Variants in SV2C observed in about 807,000 individuals in gnomAD.
SV2C encodes the protein solute carrier family 22 member B3.
A neutral mutation model predicts 79.7 loss-of-function variants in SV2C; 49 were observed. The ratio of observed to expected loss-of-function variants is 0.61; its 90% confidence interval spans 0.49 to 0.78. SV2C has a LOEUF of 0.78. Ranked by LOEUF, SV2C falls within the 30% of genes least tolerant of loss-of-function variation. The probability of loss-of-function intolerance (pLI) is 0.00; values close to 1 mark genes in which losing one functional copy is unlikely to be tolerated. For missense variants in SV2C, 833 were observed against 912.9 expected (o/e 0.91, Z 1.13); for synonymous variants, 334 against 333.2 (o/e 1.00, Z -0.03).
the SV2C span, among the ~76,000 whole-genome samples, chr5:75,914,522 A>G: frequency 6.6e-6 from 1 of 152,166 alleles, no homozygotes; most frequent in South Asian, 2.1e-4. Context: ...TCAGCCTCCC[A>G]CAAGTGTTAG....
chr5:75,957,242 A>G, the SV2C span, among the ~76,000 whole-genome samples: 1 of 152,020 alleles, frequency 6.6e-6, no homozygotes, highest in Non-Finnish European at 1.5e-5. Context: ...GTAGAATGGT[A>G]GAGATTAGTA....
At chr5:76,019,060 T>C in the SV2C span, among the ~76,000 whole-genome samples, 2 of 152,172 alleles carry the variant, frequency 1.3e-5, no homozygotes, top group African/African-American at 4.8e-5. Context: ...CCCAACTTCC[T>C]TGAGGAAAGG....
the SV2C span, among the ~76,000 whole-genome samples, chr5:75,852,598 A>G: frequency 6.6e-6 from 1 of 152,180 alleles, no homozygotes; most frequent in Non-Finnish European, 1.5e-5. Context: ...ACATTTTCAG[A>G]AAAATGAAAG....
chr5:76,235,677 TA>T (rs1311709881), intron 4 of SV2C, among the ~76,000 whole-genome samples: 2 of 148,598 alleles, frequency 1.3e-5, no homozygotes, highest in Admixed American at 1.3e-4. Flanking sequence ...CTTAGTGCAA[TA>T]AAAAAAGGGA....
At chr5:76,279,329 G>A (rs1747113419) in intron 4 of SV2C, among the ~76,000 whole-genome samples, 1 of 152,184 alleles carries the variant, frequency 6.6e-6, no homozygotes, top group Non-Finnish European at 1.5e-5. Context: ...GGCACTTACA[G>A]TCTTGGAGAT....
At chr5:76,067,277 G>A in the SV2C span, among the ~76,000 whole-genome samples, 1 of 150,904 alleles carries the variant, frequency 6.6e-6, no homozygotes, top group South Asian at 2.1e-4. Flanking sequence ...TTTGTGTTTT[G>A]TGTGGTAAGA....
chr5:75,966,819 C>T, the SV2C span, among the ~76,000 whole-genome samples: 1 of 152,070 alleles, frequency 6.6e-6, no homozygotes, highest in African/African-American at 2.4e-5. Flanking sequence ...TGGACTAAGC[C>T]CCAGTTTGGG....
In SV2C at chr5:76,272,262, C is replaced by T. The variant is rs559813962; in HGVS notation, c.914-12900C>T. Among the ~76,000 whole-genome samples, 35 of 152,226 alleles carry T rather than the reference C, an allele frequency of 2.3e-4. No homozygotes were observed. In the South Asian group the frequency reaches 7.3e-3, roughly 32 times the overall value. ...CGCTCTGTAATCTCTCCCCCTTGCC[C>T]CCGGGAGAAAAATCTTTCACCTAAC... On this transcript the variant is annotated intron_variant, in intron 4 of 12. Transcript: ENST00000502798.
intron 2 of SV2C, among the ~76,000 whole-genome samples, chr5:76,146,934 A>G (rs1276992222): frequency 1.3e-5 from 2 of 152,086 alleles, no homozygotes; most frequent in Non-Finnish European, 2.9e-5. Context: ...ACATGATATT[A>G]TGCCACACAC....
the SV2C span, among the ~76,000 whole-genome samples, chr5:75,867,986 G>A: frequency 6.6e-6 from 1 of 152,082 alleles, no homozygotes; most frequent in Non-Finnish European, 1.5e-5. Flanking sequence ...ATAAAGATGA[G>A]GAAACAGATA....
At chr5:75,974,432 A>G in the SV2C span, among the ~76,000 whole-genome samples, 1 of 152,144 alleles carries the variant, frequency 6.6e-6, no homozygotes, top group African/African-American at 2.4e-5. Context: ...TTTTCCCTTC[A>G]AAGATATATC....
At chr5:75,901,142 T>C in the SV2C span, among the ~76,000 whole-genome samples, 1 of 152,242 alleles carries the variant, frequency 6.6e-6, no homozygotes. Context: ...CTGCATTCCT[T>C]TGGAAGAGGA....
intron 2 of SV2C, among the ~76,000 whole-genome samples, chr5:76,137,515 C>A (rs1183767137): frequency 6.6e-6 from 1 of 152,032 alleles, no homozygotes; most frequent in Non-Finnish European, 1.5e-5. Context: ...ACCAGAATGG[C>A]AGATGTGAGA....
At chr5:76,005,756 G>T in the SV2C span, among the ~76,000 whole-genome samples, 35 of 152,302 alleles carry the variant, frequency 2.3e-4, no homozygotes, top group African/African-American at 7.9e-4. Context: ...AGGATGAATG[G>T]AATGCAGAAT....
intron 4 of SV2C, among the ~76,000 whole-genome samples, chr5:76,284,529 C>A (rs1236631147): frequency 6.6e-6 from 1 of 152,164 alleles, no homozygotes; most frequent in African/African-American, 2.4e-5. Flanking sequence ...ATAAAGCACC[C>A]TGGATCCACC....
At chr5:76,318,196 G>C (rs1448537687) in intron 12 of SV2C, among the ~76,000 whole-genome samples, 1 of 152,228 alleles carries the variant, frequency 6.6e-6, no homozygotes, top group Non-Finnish European at 1.5e-5. Flanking sequence ...GAGGCGGGCA[G>C]ATCATGAGGT....
At chr5:76,336,669 C>T (rs1749335846), downstream of SV2C, among the ~76,000 whole-genome samples, 1 of 152,176 alleles carries the variant, frequency 6.6e-6, no homozygotes, top group South Asian at 2.1e-4. Context: ...GGCCGGCGGA[C>T]CACTCGCAGT....
intron 12 of SV2C, among the ~76,000 whole-genome samples, chr5:76,344,624 G>T (rs1023078015): frequency 6.6e-6 from 1 of 152,124 alleles, no homozygotes; most frequent in African/African-American, 2.4e-5. Context: ...TAGGAGAATC[G>T]CTTGAACCTG....
At chr5:76,228,145 C>T (rs961767463) in intron 4 of SV2C, among the ~76,000 whole-genome samples, 1 of 152,036 alleles carries the variant, frequency 6.6e-6, no homozygotes, top group Admixed American at 6.6e-5. Context: ...GCAGGCTGCT[C>T]AAGGGATCCA....
Sources: allele counts gnomAD v4.1 joint callset (sites outside exome capture counted in the v4.1 genomes callset), GRCh38; gene constraint gnomAD v4.1.1; transcripts MANE v1.5; gene names NCBI Gene and HGNC (gene_info 2026-07-23, HGNC 2026-07-21).